Variants in SRCAP observed in about 807,000 individuals in gnomAD.
The protein encoded by SRCAP is Snf2 related CREBBP activator protein.
Under a neutral mutation model 263.1 loss-of-function variants are expected in SRCAP, and 46 were observed. That is an observed-to-expected ratio of 0.17 (90% CI 0.14 to 0.22). The LOEUF is 0.22. Among genes scored for constraint, SRCAP ranks in the 10% least tolerant of loss-of-function variants. The pLI is 1.00. For synonymous variants in SRCAP, 1,813 were observed against 1,662.1 expected, an observed-to-expected ratio of 1.09 and a Z score of -2.21; for missense variants, 3,695 against 4,181.9, an observed-to-expected ratio of 0.88 and a Z score of 3.21.
intron 4 of SRCAP, among the ~76,000 whole-genome samples, chr16:30,706,818 C>T (rs780746689): frequency 1.3e-5 from 2 of 152,130 alleles, no homozygotes; most frequent in Admixed American, 1.3e-4. Flanking sequence ...GGAAGCTCCT[C>T]TTGGGATATG....
chr16:30,736,991 T>G (rs2053166458), intron 33 of SRCAP, 58 bp from the exon 34 acceptor site: 1 of 1,513,582 alleles, frequency 6.6e-7, no homozygotes. Flanking sequence ...TGCTAATTTC[T>G]ACTCACTCTC....
chr16:30,734,045 A>G (rs760467342), intron 30 of SRCAP, 37 bp downstream of exon 30: 1 of 1,528,994 alleles, frequency 6.5e-7, no homozygotes, highest in South Asian at 1.2e-5. Flanking sequence ...GCAGGAGAAA[A>G]CTGCTGCGCC....
rs1567250435 is a variant in SRCAP, at chr16:30,729,439, G to T, written c.5994G>T (p.Trp1998Cys). The T allele has an allele frequency of 1.9e-6, 3 of 1,614,104 alleles. No homozygotes were observed. The highest frequency in any genetic ancestry group is 1.7e-6 in the Non-Finnish European group (2 of 1,180,024). The change falls in exon 27 of 34, where the codon TGG becomes TGT. Residue 1998 changes from tryptophan (W) to cysteine (C), a missense_variant. This residue lies in a region of SRCAP where 1,347 missense variants were observed against 1,304.4 expected (regional missense o/e 1.03). Transcript: ENST00000262518. ...TGCATGCCTGCCACCCACCTCCTTG[G>T]CTGGCCCCACGTCAGGCAGCCTTCC... ...PSLHACHPPPWLAPRQAAFQE... is the reference protein window; with the variant it reads ...PSLHACHPPPCLAPRQAAFQE...
At chr16:30,722,028 T>C in intron 21 of SRCAP, 94 bp from the exon 22 acceptor site, 1 of 1,475,246 alleles carries the variant, frequency 6.8e-7, no homozygotes, top group South Asian at 1.3e-5. Context: ...TTGTTTGAAC[T>C]GGACACTCGG....
Position 30,740,078 on chromosome 16 carries a change from T to C in SRCAP, c.*345T>C, listed in dbSNP as rs2053210111. The C allele has an allele frequency of 5.6e-6, 1 of 180,052 alleles. No homozygotes were observed. The allele number at this position is 180,052 out of a possible 1,614,324, so 11.2% of individuals were successfully genotyped here. ...TTCTCTACAATGAGGTTTTTTTCTT[T>C]TTTTTTTTTTTTTAAGAAGAAAAAA... On this transcript the variant is annotated 3_prime_UTR_variant, in exon 34 of 34. Transcript: ENST00000262518.
chr16:30,734,384 G>A, intron 30 of SRCAP, 112 bp from the exon 31 acceptor site: 1 of 1,481,494 alleles, frequency 6.7e-7, no homozygotes, highest in South Asian at 1.3e-5. Flanking sequence ...TCACAGACGT[G>A]CGTCTTCAAC....
chr16:30,713,848 T>C, intron 16 of SRCAP, 137 bp downstream of exon 16: 1 of 745,462 alleles, frequency 1.3e-6, no homozygotes, highest in Non-Finnish European at 2.2e-6. Context: ...TGCAGTGTTC[T>C]AGTGACTAAC....
intron 25 of SRCAP, 153 bp downstream of exon 25, chr16:30,725,235 C>T: frequency 7.1e-7 from 1 of 1,402,672 alleles, no homozygotes. Context: ...CAAGTCCCTT[C>T]TCTTCCCTGG....
intron 27 of SRCAP, among the ~76,000 whole-genome samples, chr16:30,731,131 CTG>C (rs1164219429): frequency 6.6e-6 from 1 of 152,238 alleles, no homozygotes; most frequent in African/African-American, 2.4e-5. Context: ...ACAAAACACT[CTG>C]AGAAGGTTTT....
chr16:30,704,355 TCTTCCGTAAA>T, intron 4 of SRCAP, 40 bp downstream of exon 4: 1 of 1,542,810 alleles, frequency 6.5e-7, no homozygotes, highest in African/African-American at 1.4e-5. Flanking sequence ...TTGGGAGTTA[TCTTCCGTAAA>T]CTCCCACGTC....
rs752621886 is a variant in SRCAP, at chr16:30,736,522, C to T, written c.6925-19C>T. On this transcript the variant is annotated intron_variant, in intron 32 of 33. Transcript: ENST00000262518. The stretch of plus-strand genomic sequence containing the variant: ...GGGTACCAGGTTCCTAAGTTTATCA[C>T]CACCGCTCCTCCTTGCAGCTGACCC... 1.2e-6 allele frequency: 2 copies of T among 1,614,014 alleles called. No individual in the cohort carries two copies. Among genetic ancestry groups the T allele is most frequent in the South Asian group, 2.2e-5 (2 of 91,050 alleles).
chr16:30,718,442 G>A (rs1320679749), intron 18 of SRCAP, among the ~76,000 whole-genome samples: 1 of 151,280 alleles, frequency 6.6e-6, no homozygotes, highest in Non-Finnish European at 1.5e-5. Flanking sequence ...CTCCCAAAGT[G>A]CTGGGATTAC....
chr16:30,724,797 C>T lies in SRCAP; in HGVS notation c.5373C>T (p.Ser1791=), dbSNP rs555585279. Residue 1791 remains serine, a synonymous_variant, in exon 25 of 34, where the codon AGC becomes AGT. Transcript: ENST00000262518. The stretch of plus-strand genomic sequence containing the variant: ...CTTCAGTGCAGACACTGACCTTGAG[C>T]CCTGCCCCAGTTCCTACCCTGGGCC... ...APASVQTLTL[S]PAPVPTLGPA... is the part of the protein sequence containing the mutation. The T allele has an allele frequency of 1.2e-6, 2 of 1,613,466 alleles. No individual in the cohort carries two copies. The highest frequency in any genetic ancestry group is 2.7e-5 in the African/African-American group (2 of 75,024).
chr16:30,700,976 T>C, intron 3 of SRCAP, 98 bp downstream of exon 3: 1 of 1,340,412 alleles, frequency 7.5e-7, no homozygotes, highest in Non-Finnish European at 1.1e-6. Flanking sequence ...TGGAGAGTTT[T>C]GGAGAATCTT....
chr16:30,736,766 G>C, intron 33 of SRCAP, 142 bp downstream of exon 33: 1 of 920,574 alleles, frequency 1.1e-6, no homozygotes, highest in Non-Finnish European at 1.6e-6. Flanking sequence ...TCCGCCTCCC[G>C]GGTTCAAGCA....
At chr16:30,728,904 A>G in intron 25 of SRCAP, 62 bp from the exon 26 acceptor site, 4 of 1,517,814 alleles carry the variant, frequency 2.6e-6, no homozygotes, top group Non-Finnish European at 3.5e-6. Flanking sequence ...TGGGAAGAAC[A>G]GTCAGGTTTT....
At chr16:30,713,184 T>C (rs1596648436) in intron 14 of SRCAP, 24 bp from the exon 15 acceptor site, 1 of 1,611,160 alleles carries the variant, frequency 6.2e-7, no homozygotes, top group Non-Finnish European at 8.5e-7. Context: ...CACTATCTGC[T>C]ACTTTCTGTC....
chr16:30,730,165 C>A (rs1331138669), intron 27 of SRCAP, among the ~76,000 whole-genome samples: 1 of 152,136 alleles, frequency 6.6e-6, no homozygotes, highest in Admixed American at 6.5e-5. Context: ...ATTTGGGATA[C>A]AATAGCAAGT....
intron 14 of SRCAP, 88 bp from the exon 15 acceptor site, chr16:30,713,120 T>G: frequency 7.2e-7 from 1 of 1,387,088 alleles, no homozygotes; most frequent in Non-Finnish European, 1.0e-6. Context: ...CCAACCTGAT[T>G]ACTGTCCTTT....
Sources: allele counts gnomAD v4.1 joint callset (sites outside exome capture counted in the v4.1 genomes callset), GRCh38; gene constraint gnomAD v4.1.1; regional missense constraint gnomAD v4.1.1; transcripts MANE v1.5; gene names NCBI Gene and HGNC (gene_info 2026-07-23, HGNC 2026-07-21).